GRM8: variants seen among roughly 807,000 people sequenced by gnomAD.
GRM8 encodes the protein metabotropic glutamate receptor 8.
Under a neutral mutation model 87.2 loss-of-function variants are expected in GRM8, and 47 were observed. The ratio of observed to expected loss-of-function variants is 0.54; its 90% CI spans 0.43 to 0.69. The LOEUF (loss-of-function observed/expected upper bound fraction) is 0.69. Among genes scored for constraint, GRM8 ranks in the 30% least tolerant of loss-of-function variants. The probability of loss-of-function intolerance (pLI) is 0.00; values close to 1 mark genes in which losing one functional copy is unlikely to be tolerated. For missense variants in GRM8, 1,019 were observed against 1,139.2 expected (o/e 0.89, Z 1.52); for synonymous variants, 396 against 404.5 (o/e 0.98, Z 0.25).
intron 7 of GRM8, among the ~76,000 whole-genome samples, chr7:126,615,289 A>G (rs1799349978): frequency 6.6e-6 from 1 of 152,186 alleles, no homozygotes; most frequent in Admixed American, 6.5e-5. Flanking sequence ...TCATAAGTGA[A>G]GGAGAAATAA....
intron 3 of GRM8, among the ~76,000 whole-genome samples, chr7:126,996,935 C>A (rs1813230715): frequency 6.6e-6 from 1 of 151,882 alleles, no homozygotes; most frequent in Non-Finnish European, 1.5e-5. Context: ...GACTATAGAA[C>A]AAACGCATCT....
intron 3 of GRM8, among the ~76,000 whole-genome samples, chr7:127,024,958 TTTTA>T (rs1432804696): frequency 5.3e-5 from 8 of 152,052 alleles, no homozygotes; most frequent in African/African-American, 1.2e-4. Flanking sequence ...TTGTTGTTGT[TTTTA>T]TTTATGTAAT....
intron 6 of GRM8, among the ~76,000 whole-genome samples, chr7:126,834,540 T>C (rs1304719346): frequency 1.3e-5 from 2 of 152,212 alleles, no homozygotes; most frequent in African/African-American, 4.8e-5. Context: ...AAATGTATGG[T>C]TGTAAATGGT....
chr7:127,046,773 A>G (rs1393165400), intron 3 of GRM8, among the ~76,000 whole-genome samples: 1 of 152,170 alleles, frequency 6.6e-6, no homozygotes, highest in East Asian at 1.9e-4. Flanking sequence ...TTCCTTATAA[A>G]CATTTCTCTT....
chr7:126,511,449 C>A (rs985321544), intron 9 of GRM8: 3 of 152,040 alleles, frequency 2.0e-5, no homozygotes, highest in Non-Finnish European at 4.4e-5. Context: ...ATTTTATATA[C>A]CTCTTGTGGT....
intron 6 of GRM8, among the ~76,000 whole-genome samples, chr7:126,786,724 C>G (rs1030678956): frequency 2.0e-5 from 3 of 152,116 alleles, no homozygotes; most frequent in Admixed American, 2.0e-4. Flanking sequence ...TTGTTCTACT[C>G]TATATTCTTA....
At chr7:126,895,621 G>T (rs937211466) in intron 6 of GRM8, among the ~76,000 whole-genome samples, 1 of 151,446 alleles carries the variant, frequency 6.6e-6, no homozygotes, top group Admixed American at 6.6e-5. Context: ...TTAGCAATGT[G>T]AACTGCTATA....
intron 8 of GRM8, among the ~76,000 whole-genome samples, chr7:126,547,063 G>T (rs948212598): frequency 2.0e-5 from 3 of 152,152 alleles, no homozygotes; most frequent in African/African-American, 7.2e-5. Flanking sequence ...CAAGGGATCT[G>T]AAGATTCATC....
intron 2 of GRM8, among the ~76,000 whole-genome samples, chr7:127,202,429 C>T (rs1185349115): frequency 2.0e-5 from 3 of 152,182 alleles, no homozygotes; most frequent in Admixed American, 6.5e-5. Flanking sequence ...CTGCCTGCCT[C>T]GGCCTCCCAA....
At chr7:126,686,212 C>A (rs1808167234) in intron 7 of GRM8, among the ~76,000 whole-genome samples, 1 of 152,066 alleles carries the variant, frequency 6.6e-6, no homozygotes, top group Non-Finnish European at 1.5e-5. Flanking sequence ...CTGAGAGTCT[C>A]TTCTAAGCTG....
At chr7:127,051,583 G>A (rs1256470761) in intron 3 of GRM8, among the ~76,000 whole-genome samples, 2 of 151,820 alleles carry the variant, frequency 1.3e-5, no homozygotes, top group African/African-American at 2.4e-5. Context: ...CATTCTTTTT[G>A]TTAATTATGG....
rs553816993 is a variant in GRM8, at chr7:127,247,283, G to T, written c.-311-3768C>A. On this transcript the variant is annotated intron_variant, in intron 1 of 10. Transcript: ENST00000339582. ...GAACACACCCACCAACGCATGCAGG[G>T]TCTCTCTGGGTCTGCCATCACATCT... Among the ~76,000 whole-genome samples the T allele has an allele frequency of 2.0e-5, 3 of 152,270 alleles. No individual in the cohort carries two copies. In the South Asian group the frequency reaches 6.2e-4, roughly 32 times the overall value.
intron 7 of GRM8, among the ~76,000 whole-genome samples, chr7:126,625,074 G>A (rs1412367703): frequency 6.6e-6 from 1 of 152,064 alleles, no homozygotes; most frequent in African/African-American, 2.4e-5. Flanking sequence ...AGTTCTCAAT[G>A]AATAGTTATT....
At chr7:126,713,415 G>C (rs867591650) in intron 7 of GRM8, among the ~76,000 whole-genome samples, 1 of 152,032 alleles carries the variant, frequency 6.6e-6, no homozygotes, top group Non-Finnish European at 1.5e-5. Flanking sequence ...ATGGACACAG[G>C]GAGGGGAACA....
chr7:126,965,897 T>G (rs1048812307), intron 3 of GRM8, among the ~76,000 whole-genome samples: 1 of 152,110 alleles, frequency 6.6e-6, no homozygotes. Context: ...GAGTGATTTT[T>G]TTTTTCTTGC....
chr7:127,085,137 T>C (rs143798547), intron 3 of GRM8, among the ~76,000 whole-genome samples: 309 of 152,362 alleles, frequency 2.0e-3, no homozygotes, highest in African/African-American at 6.9e-3. Context: ...GCAAAGGACA[T>C]GAACTCATCC....
At chr7:127,042,835 A>G (rs890401790) in intron 3 of GRM8, among the ~76,000 whole-genome samples, 3 of 152,214 alleles carry the variant, frequency 2.0e-5, no homozygotes, top group African/African-American at 7.2e-5. Flanking sequence ...CAACCTACAG[A>G]ATGGGAGAAA....
intron 7 of GRM8, among the ~76,000 whole-genome samples, chr7:126,622,141 C>G (rs926356344): frequency 6.6e-6 from 1 of 152,052 alleles, no homozygotes; most frequent in African/African-American, 2.4e-5. Context: ...CTGACAAGAC[C>G]AGGACTAGGC....
At chr7:127,063,923 T>C (rs988966080) in intron 3 of GRM8, among the ~76,000 whole-genome samples, 4 of 152,248 alleles carry the variant, frequency 2.6e-5, no homozygotes, top group African/African-American at 9.6e-5. Flanking sequence ...TTCCATTTAA[T>C]TGGATGGCTT....
Sources: allele counts gnomAD v4.1 joint callset (sites outside exome capture counted in the v4.1 genomes callset), GRCh38; gene constraint gnomAD v4.1.1; transcripts MANE v1.5; gene names NCBI Gene and HGNC (gene_info 2026-07-23, HGNC 2026-07-21).